CMSS1: variants seen among roughly 807,000 people sequenced by gnomAD.
The protein encoded by CMSS1 is cms1 ribosomal small subunit homolog.
A neutral mutation model predicts 43.5 loss-of-function variants in CMSS1; 33 were observed. The observed-to-expected ratio is 0.76, with a 90% confidence interval of 0.57 to 1.01. The LOEUF (loss-of-function observed/expected upper bound fraction) is 1.01, where lower values mean the gene tolerates loss of function less well. CMSS1 is among the 50% of genes least tolerant of loss of function. The pLI is 0.00. For synonymous variants in CMSS1, 115 were observed against 117.2 expected, an observed-to-expected ratio of 0.98 and a Z score of 0.12; for missense variants, 313 against 326.4, an observed-to-expected ratio of 0.96 and a Z score of 0.32.
At chr3:99,857,196 A>ATAT (rs10652956) in intron 1 of CMSS1, among the ~76,000 whole-genome samples, 19,853 of 152,204 alleles carry the variant, frequency 0.13, 1,922 homozygotes, top group African/African-American at 0.27. Context: ...GGATGCTCTA[A>ATAT]TATTTACCAT....
In CMSS1 at chr3:100,179,011, C is replaced by T. The variant is rs200747161; in HGVS notation, c.*623C>T. Reference sequence around the variant, plus strand: ...GGGAAGCAAGCACATCTTCACATGGCGACAAGAGAGCAAGAGAGTGAAGGG... The same window carrying T: ...GGGAAGCAAGCACATCTTCACATGGTGACAAGAGAGCAAGAGAGTGAAGGG... On this transcript the variant is annotated 3_prime_UTR_variant, in exon 10 of 10. Transcript: ENST00000421999. 9 of 158,284 alleles carry T rather than the reference C, an allele frequency of 5.7e-5. No homozygotes were observed. The East Asian group carries it at 1.3e-3, about 23-fold the overall frequency. 9.8% of individuals were successfully genotyped at this position (158,284 alleles called of 1,614,324 possible).
chr3:99,860,811 T>TA lies in CMSS1; in HGVS notation c.64+42768_64+42769insA, dbSNP rs542630993. 3.9e-5 allele frequency among the ~76,000 whole-genome samples: 6 copies of TA among 152,324 alleles called. No individual in the cohort carries two copies. The East Asian group carries it at 1.2e-3, about 29-fold the overall frequency. On this transcript the variant is annotated intron_variant, in intron 1 of 9. Transcript: ENST00000421999. ...ACTGCCTAAATAATGTGTTTTGACT[T>TA]CTGCAGTACTGTATTGTTAGGGAGC...
At chr3:100,171,510 A>T (rs1043511306) in intron 6 of CMSS1, among the ~76,000 whole-genome samples, 1 of 152,134 alleles carries the variant, frequency 6.6e-6, no homozygotes, top group Admixed American at 6.5e-5. Flanking sequence ...TTGGAAGATG[A>T]ATTTTCTGCC....
intron 1 of CMSS1, among the ~76,000 whole-genome samples, chr3:99,901,589 A>G (rs927771246): frequency 6.6e-6 from 1 of 152,238 alleles, no homozygotes; most frequent in African/African-American, 2.4e-5. Flanking sequence ...TGTGCTGACA[A>G]TAATATTACA....
chr3:99,905,668 C>T (rs558972729), intron 1 of CMSS1, among the ~76,000 whole-genome samples: 54 of 152,294 alleles, frequency 3.5e-4, no homozygotes, highest in Admixed American at 3.3e-4. Context: ...TCCAACTCTG[C>T]CACTAGCCTC....
intron 1 of CMSS1, among the ~76,000 whole-genome samples, chr3:100,006,511 T>TA (rs1216495113): frequency 1.3e-5 from 2 of 152,076 alleles, no homozygotes; most frequent in African/African-American, 4.8e-5. Context: ...AGTCTCCTTT[T>TA]AAAAAAAGTA....
intron 1 of CMSS1, among the ~76,000 whole-genome samples, chr3:99,866,073 TTCCTTTATTCTC>T (rs545655351): frequency 0.017 from 2,539 of 152,260 alleles, 39 homozygotes; most frequent in Non-Finnish European, 0.026. Flanking sequence ...CTGCTTTTCT[TTCCTTTATTCTC>T]TCCTTTATTC....
intron 1 of CMSS1, among the ~76,000 whole-genome samples, chr3:99,912,190 T>C: frequency 6.6e-6 from 1 of 152,206 alleles, no homozygotes; most frequent in East Asian, 1.9e-4. Context: ...CTGATACATG[T>C]TACAACATGT....
intron 1 of CMSS1, among the ~76,000 whole-genome samples, chr3:99,893,665 G>A (rs1706163170): frequency 6.6e-6 from 1 of 152,104 alleles, no homozygotes. Flanking sequence ...TTCCTTTAAA[G>A]TTAGCTATTT....
intron 1 of CMSS1, among the ~76,000 whole-genome samples, chr3:99,924,622 G>T (rs535681777): frequency 1.6e-3 from 237 of 152,270 alleles, no homozygotes; most frequent in African/African-American, 5.3e-3. Flanking sequence ...GGGTTTAAGC[G>T]ATCCTTCTGC....
chr3:100,131,738 T>C (rs1316405935), intron 1 of CMSS1, among the ~76,000 whole-genome samples: 1 of 152,176 alleles, frequency 6.6e-6, no homozygotes, highest in Non-Finnish European at 1.5e-5. Flanking sequence ...GTGGTAGCAA[T>C]AGAAAACTCA....
At chr3:100,101,857 G>A (rs1465967827) in intron 1 of CMSS1, among the ~76,000 whole-genome samples, 1 of 152,066 alleles carries the variant, frequency 6.6e-6, no homozygotes, top group Non-Finnish European at 1.5e-5. Context: ...ACCTACGAGT[G>A]AGAACATGCA....
At chr3:100,078,890 C>CA (rs199956080) in intron 1 of CMSS1, among the ~76,000 whole-genome samples, 95 of 151,194 alleles carry the variant, frequency 6.3e-4, no homozygotes, top group South Asian at 4.0e-3. Flanking sequence ...GACTCCATAT[C>CA]AAAAAAAACG....
rs543139016 is a variant in CMSS1, at chr3:100,063,898, A to C, written c.65-83075A>C. Reference sequence around the variant, plus strand: ...TGAAGTATAGAGAAAAACCTAATCAAATGTTAAAATCTCTCCACATGTTTA... The same window carrying C: ...TGAAGTATAGAGAAAAACCTAATCACATGTTAAAATCTCTCCACATGTTTA... On this transcript the variant is annotated intron_variant, in intron 1 of 9. Coordinates refer to ENST00000421999, the MANE Select transcript of CMSS1 (RefSeq NM_032359.4). Among the ~76,000 whole-genome samples, 7 of 152,314 alleles carry C rather than the reference A, an allele frequency of 4.6e-5. No individual in the cohort carries two copies. In the East Asian group the frequency reaches 1.3e-3, roughly 29 times the overall value.
intron 1 of CMSS1, chr3:99,898,603 C>CA: frequency 5.4e-6 from 1 of 185,756 alleles, no homozygotes; most frequent in South Asian, 7.7e-5. Context: ...TCTGTCTCTA[C>CA]AAAAATACAA....
At chr3:99,865,169 T>G (rs147337400) in intron 1 of CMSS1, among the ~76,000 whole-genome samples, 7 of 152,342 alleles carry the variant, frequency 4.6e-5, no homozygotes, top group African/African-American at 1.7e-4. Flanking sequence ...TGTACCGTGT[T>G]AGTCCTGCAA....
At chr3:100,084,796 A>T (rs1009243572) in intron 1 of CMSS1, among the ~76,000 whole-genome samples, 1 of 152,238 alleles carries the variant, frequency 6.6e-6, no homozygotes, top group Non-Finnish European at 1.5e-5. Flanking sequence ...TCATATTATC[A>T]TCTCAGAGCT....
intron 1 of CMSS1, among the ~76,000 whole-genome samples, chr3:99,982,118 A>G (rs1709141589): frequency 6.6e-6 from 1 of 152,208 alleles, no homozygotes. Context: ...ATAATGTTAT[A>G]ATTAGTTTAA....
intron 2 of CMSS1, among the ~76,000 whole-genome samples, chr3:100,151,531 C>G (rs958634354): frequency 1.3e-5 from 2 of 152,032 alleles, no homozygotes; most frequent in Non-Finnish European, 2.9e-5. Context: ...TTCCCCAGGC[C>G]GAGTGATCCA....
Sources: allele counts gnomAD v4.1 joint callset (sites outside exome capture counted in the v4.1 genomes callset), GRCh38; gene constraint gnomAD v4.1.1; transcripts MANE v1.5; gene names NCBI Gene and HGNC (gene_info 2026-07-23, HGNC 2026-07-21).